The following DSCAM variants were observed in gnomAD, a reference collection of about 807,000 sequenced individuals.
The protein encoded by DSCAM is DS cell adhesion molecule, also known as cell adhesion molecule DSCAM.
DSCAM carries 47 observed loss-of-function variants against 217.7 expected under a neutral mutation model. The ratio of observed to expected loss-of-function variants is 0.22; its 90% CI spans 0.17 to 0.28. The LOEUF (loss-of-function observed/expected upper bound fraction) is 0.28, where lower values mean the gene tolerates loss of function less well. DSCAM is among the 10% of genes least tolerant of loss of function. The pLI is 1.00. For synonymous variants in DSCAM, 1,056 were observed against 1,015.3 expected, an observed-to-expected ratio of 1.04 and a Z score of -0.76; for missense variants, 2,080 against 2,618.3, an observed-to-expected ratio of 0.79 and a Z score of 4.49.
intron 3 of DSCAM, among the ~76,000 whole-genome samples, chr21:40,487,273 CTGTG>C (rs1232285002): frequency 4.7e-5 from 7 of 150,502 alleles, no homozygotes; most frequent in Admixed American, 3.3e-4. Context: ...CTCTCTCTCT[CTGTG>C]TGTGTGCATG....
At chr21:40,681,041 G>C (rs139279639) in intron 3 of DSCAM, among the ~76,000 whole-genome samples, 148 of 152,310 alleles carry the variant, frequency 9.7e-4, no homozygotes, top group African/African-American at 3.3e-3. Flanking sequence ...AGTTTGTTTG[G>C]AATTGATTTT....
chr21:40,302,771 T>C (rs2074030733), intron 9 of DSCAM, among the ~76,000 whole-genome samples: 1 of 152,216 alleles, frequency 6.6e-6, no homozygotes, highest in African/African-American at 2.4e-5. Context: ...TAGGTTTCTT[T>C]GAGGAAGTTT....
At chr21:40,593,803 A>C (rs921573662) in intron 3 of DSCAM, among the ~76,000 whole-genome samples, 41 of 152,216 alleles carry the variant, frequency 2.7e-4, no homozygotes, top group Admixed American at 2.0e-4. Flanking sequence ...TTGAATTTCC[A>C]AGCGACCGAG....
intron 3 of DSCAM, among the ~76,000 whole-genome samples, chr21:40,522,226 G>A (rs1436272267): frequency 6.6e-6 from 1 of 152,142 alleles, no homozygotes; most frequent in East Asian, 1.9e-4. Flanking sequence ...CAGAAACCCA[G>A]TACAAACTCA....
chr21:40,477,806 TAAC>T (rs539872953), intron 3 of DSCAM, among the ~76,000 whole-genome samples: 310 of 152,300 alleles, frequency 2.0e-3, no homozygotes, highest in Non-Finnish European at 3.7e-3. Context: ...AAAGATAAAA[TAAC>T]AACATTTTCT....
chr21:40,799,008 C>A (rs2091715880), intron 1 of DSCAM, among the ~76,000 whole-genome samples: 1 of 152,068 alleles, frequency 6.6e-6, no homozygotes, highest in Non-Finnish European at 1.5e-5. Flanking sequence ...AAGCTACTGA[C>A]TTTTGGAAAA....
At chr21:40,630,720 G>A (rs1363563965) in intron 3 of DSCAM, 1 of 152,276 alleles carries the variant, frequency 6.6e-6, no homozygotes, top group Non-Finnish European at 1.5e-5. Context: ...CTTGTCAGTG[G>A]GGGATATAGG....
At chr21:40,232,259 G>T (rs2091388863) in intron 11 of DSCAM, among the ~76,000 whole-genome samples, 1 of 152,154 alleles carries the variant, frequency 6.6e-6, no homozygotes, top group South Asian at 2.1e-4. Flanking sequence ...ATATGAAGAA[G>T]CCAAAAATGG....
intron 3 of DSCAM, among the ~76,000 whole-genome samples, chr21:40,591,657 G>C (rs1280341170): frequency 1.3e-5 from 2 of 152,114 alleles, no homozygotes; most frequent in Non-Finnish European, 2.9e-5. Flanking sequence ...GAGGTAACAA[G>C]GTATAAATAT....
At chr21:40,734,214 T>C (rs865808727) in intron 1 of DSCAM, among the ~76,000 whole-genome samples, 30 of 151,970 alleles carry the variant, frequency 2.0e-4, no homozygotes, top group African/African-American at 7.3e-4. Context: ...GAGTCTCCAA[T>C]CCAAGGAAAT....
At chr21:40,043,075 C>T (rs1042424627) in intron 31 of DSCAM, among the ~76,000 whole-genome samples, 3 of 152,220 alleles carry the variant, frequency 2.0e-5, no homozygotes, top group African/African-American at 7.2e-5. Context: ...AGCTGCAGTT[C>T]AGCTTCTGGG....
chr21:40,105,714 A>G (rs894459325), intron 20 of DSCAM, among the ~76,000 whole-genome samples: 1 of 152,230 alleles, frequency 6.6e-6, no homozygotes, highest in African/African-American at 2.4e-5. Context: ...TAACAGGGAA[A>G]AAAGACCACT....
chr21:40,271,787 G>A (rs376151301), intron 11 of DSCAM, among the ~76,000 whole-genome samples: 157 of 152,280 alleles, frequency 1.0e-3, no homozygotes, highest in African/African-American at 3.7e-3. Context: ...CTTTACAGGT[G>A]CAGTCGCTCT....
intron 1 of DSCAM, among the ~76,000 whole-genome samples, chr21:40,831,054 C>G (rs539665587): frequency 1.1e-4 from 16 of 152,324 alleles, no homozygotes; most frequent in Non-Finnish European, 1.9e-4. Context: ...CCAACCAGCA[C>G]CACGCAGTGT....
intron 27 of DSCAM, among the ~76,000 whole-genome samples, chr21:40,064,459 A>T (rs2146523395): frequency 6.6e-6 from 1 of 152,236 alleles, no homozygotes; most frequent in Admixed American, 6.5e-5. Context: ...TGTACTAAGG[A>T]ATTGCGGAGT....
chr21:40,303,536 A>C (rs2074039093), intron 9 of DSCAM, among the ~76,000 whole-genome samples: 1 of 152,136 alleles, frequency 6.6e-6, no homozygotes, highest in Non-Finnish European at 1.5e-5. Context: ...TAGATAACTG[A>C]CATTGTTTGT....
intron 3 of DSCAM, among the ~76,000 whole-genome samples, chr21:40,546,393 C>T (rs2076582918): frequency 1.3e-5 from 2 of 152,200 alleles, no homozygotes; most frequent in South Asian, 4.1e-4. Flanking sequence ...GGCAAAGTGG[C>T]CAACAGATCA....
At chr21:40,089,164 C>A (rs550045519) in intron 21 of DSCAM, among the ~76,000 whole-genome samples, 1 of 152,328 alleles carries the variant, frequency 6.6e-6, no homozygotes, top group Non-Finnish European at 1.5e-5. Flanking sequence ...TGCTATCGCT[C>A]AATGCCCATT....
At chr21:40,807,480 G>A (rs900510061) in intron 1 of DSCAM, among the ~76,000 whole-genome samples, 3 of 152,202 alleles carry the variant, frequency 2.0e-5, no homozygotes, top group African/African-American at 4.8e-5. Context: ...GGTGGAGGGC[G>A]AGGGGGAGGA....
Sources: gnomAD v4.1 joint callset for allele counts (sites outside exome capture counted in the v4.1 genomes callset) on GRCh38, gnomAD v4.1.1 for gene constraint, MANE v1.5 for transcripts, NCBI Gene and HGNC (gene_info 2026-07-23, HGNC 2026-07-21) for gene names.